The following AP4E1 variants were observed in gnomAD, a reference collection of about 807,000 sequenced individuals.
AP4E1 encodes the protein AP-4 complex subunit epsilon-1.
AP4E1 carries 56 observed loss-of-function variants against 128.2 expected under a neutral mutation model. The observed-to-expected ratio is 0.44, with a 90% confidence interval of 0.35 to 0.55. AP4E1 has a LOEUF of 0.55. Ranked by LOEUF, AP4E1 falls within the 20% of genes least tolerant of loss-of-function variation. The probability of loss-of-function intolerance (pLI) is 0.00; values close to 1 mark genes in which losing one functional copy is unlikely to be tolerated. For synonymous variants in AP4E1, 484 were observed against 473.1 expected, an observed-to-expected ratio of 1.02 and a Z score of -0.30; for missense variants, 1,324 against 1,307.7, an observed-to-expected ratio of 1.01 and a Z score of -0.19.
intron 10 of AP4E1, among the ~76,000 whole-genome samples, chr15:50,943,940 T>G: frequency 6.6e-6 from 1 of 152,152 alleles, no homozygotes; most frequent in East Asian, 1.9e-4. Flanking sequence ...CATTTAATAT[T>G]TTTTAGATTG....
chr15:50,998,079 A>G (rs917305264), intron 18 of AP4E1, among the ~76,000 whole-genome samples, 196 bp downstream of exon 18: 8 of 152,124 alleles, frequency 5.3e-5, no homozygotes, highest in African/African-American at 1.7e-4. Flanking sequence ...TCTCTCACCA[A>G]TTTATTTTTA....
intron 3 of AP4E1, among the ~76,000 whole-genome samples, chr15:50,922,163 CAAAAAAAAA>C (rs34829950): frequency 2.5e-4 from 20 of 79,732 alleles, no homozygotes; most frequent in Non-Finnish European, 3.8e-4. Context: ...CCTATCTCTA[CAAAAAAAAA>C]AAAAAAAAAA....
At chr15:50,980,087 A>G (rs1390290832) in intron 15 of AP4E1, among the ~76,000 whole-genome samples, 1 of 152,232 alleles carries the variant, frequency 6.6e-6, no homozygotes, top group African/African-American at 2.4e-5. Flanking sequence ...TCTGAAAGTT[A>G]GAGATTATTA....
chr15:50,911,373 T>C (rs1048397803), intron 1 of AP4E1, among the ~76,000 whole-genome samples: 1 of 152,176 alleles, frequency 6.6e-6, no homozygotes, highest in Non-Finnish European at 1.5e-5. Context: ...TTTCTTACCC[T>C]GTTTCTTAAT....
chr15:50,948,789 A>G (rs1263003633), intron 11 of AP4E1, among the ~76,000 whole-genome samples: 2 of 152,014 alleles, frequency 1.3e-5, no homozygotes, highest in African/African-American at 2.4e-5. Flanking sequence ...CCTGACCAAC[A>G]TGGAGAAACC....
intron 10 of AP4E1, chr15:50,945,830 T>C: frequency 5.1e-6 from 4 of 779,602 alleles, no homozygotes; most frequent in Non-Finnish European, 7.0e-6. Flanking sequence ...ATAAAATGTA[T>C]AGCTTGTCAT....
intron 16 of AP4E1, among the ~76,000 whole-genome samples, chr15:50,988,716 A>G (rs1372091369): frequency 3.9e-5 from 6 of 152,026 alleles, no homozygotes; most frequent in African/African-American, 1.5e-4. Context: ...AATTTGAAGT[A>G]TGGTTTCTGT....
intron 15 of AP4E1, among the ~76,000 whole-genome samples, chr15:50,974,576 A>G (rs527999775): frequency 3.6e-4 from 54 of 152,066 alleles, no homozygotes; most frequent in African/African-American, 1.3e-3. Flanking sequence ...CTGTATTTTT[A>G]TTTTTTTGAG....
chr15:50,919,953 T>C (rs1297476154), intron 3 of AP4E1, among the ~76,000 whole-genome samples: 3 of 151,544 alleles, frequency 2.0e-5, no homozygotes, highest in Non-Finnish European at 2.9e-5. Flanking sequence ...GGTACATGCC[T>C]GTATTCCCAG....
At chr15:50,912,215 G>A in intron 2 of AP4E1, 66 bp downstream of exon 2, 1 of 1,346,536 alleles carries the variant, frequency 7.4e-7, no homozygotes, top group Non-Finnish European at 1.1e-6. Flanking sequence ...ACTCAATAGT[G>A]GCATCTAACT....
At chr15:50,931,738 T>C (rs1216637725) in intron 7 of AP4E1, among the ~76,000 whole-genome samples, 3 of 152,108 alleles carry the variant, frequency 2.0e-5, no homozygotes, top group Non-Finnish European at 2.9e-5. Context: ...TCATGAAGTA[T>C]TATTCTTTTA....
At chr15:50,945,010 C>G in intron 10 of AP4E1, 1 of 771,444 alleles carries the variant, frequency 1.3e-6, no homozygotes, top group Non-Finnish European at 2.4e-6. Flanking sequence ...GGAATACGTA[C>G]TCACTTTTGT....
rs780286595 is a variant in AP4E1, at chr15:50,925,100, T to C, written c.423T>C (p.Asp141=). The change falls in exon 5 of 21, where the codon GAT becomes GAC. Residue 141 remains aspartate (D), a splice_region_variant and synonymous_variant. Transcript: ENST00000261842. ...TTCTTTGCTTAATGTTGTGCCAGGATCTGCAGAGCACTAACCTAGTAGAAG... is the reference window on the plus strand; with the variant it reads ...TTCTTTGCTTAATGTTGTGCCAGGACCTGCAGAGCACTAACCTAGTAGAAG... ...LLLLVNTVVK[D]LQSTNLVEVC... 101 of 1,613,868 alleles carry C rather than the reference T, an allele frequency of 6.3e-5. No homozygotes were observed. Among genetic ancestry groups the C allele is most frequent in the Non-Finnish European group, 2.8e-5 (33 of 1,179,910 alleles).
chr15:50,931,908 T>C (rs1596466713), intron 7 of AP4E1, among the ~76,000 whole-genome samples: 4 of 152,154 alleles, frequency 2.6e-5, no homozygotes, highest in Admixed American at 2.6e-4. Context: ...ATCTGAATTA[T>C]TCTTTTAGCC....
chr15:50,920,829 G>A (rs1017937132), intron 3 of AP4E1, among the ~76,000 whole-genome samples: 1 of 152,076 alleles, frequency 6.6e-6, no homozygotes, highest in South Asian at 2.1e-4. Flanking sequence ...ATGGAGTTTC[G>A]CTGTTGCATC....
rs1037906048 is a variant in AP4E1 at position 50,921,097 on chromosome 15, C to G, written c.347-2834C>G. On this transcript the variant is annotated intron_variant, in intron 3 of 20. Coordinates refer to ENST00000261842, the MANE Select transcript of AP4E1 (RefSeq NM_007347.5). ...GGATTACGGGCATGAACTACCGTGC[C>G]CAGCCAGAATGCCTTATTATTTTTT... 2.2e-5 allele frequency among the ~76,000 whole-genome samples: 3 copies of G among 136,942 alleles called. No individual in the cohort carries two copies. In the Admixed American group the frequency reaches 2.3e-4, roughly 10 times the overall value. The allele number at this position is 136,942 out of a possible 152,430, so 89.8% of individuals were successfully genotyped here.
chr15:50,925,844 C>T (rs866120729), intron 5 of AP4E1, among the ~76,000 whole-genome samples: 34 of 150,288 alleles, frequency 2.3e-4, no homozygotes, highest in Admixed American at 2.2e-3. Context: ...AGGCTGGTCT[C>T]GAACTCCTGA....
In AP4E1 at chr15:50,997,386, A is replaced by G. The variant is rs781254112; in HGVS notation, c.2407A>G (p.Lys803Glu). The part of the protein sequence containing the change: ...FRRKSKVKEA[K>E]SGETTSTHNM... ...AAGGAAATCAAAAGTCAAAGAAGCT[A>G]AAAGTGGCGAAACAACCAGTACTCA... The change falls in exon 18 of 21, where the codon AAA becomes GAA. Residue 803 changes from lysine (K) to glutamate (E), a missense_variant. Lys to Glu is a moderately conservative substitution (Grantham distance 56). Transcript: ENST00000261842. The G allele has an allele frequency of 5.0e-6, 8 of 1,606,210 alleles. No homozygotes were observed. In the African/African-American group the frequency reaches 8.1e-5, roughly 16 times the overall value.
chr15:50,928,892 T>C, intron 5 of AP4E1, 117 bp from the exon 6 acceptor site: 1 of 983,404 alleles, frequency 1.0e-6, no homozygotes, highest in Non-Finnish European at 1.6e-6. Flanking sequence ...TAGTTATCTC[T>C]TTCTTTGTAA....
Sources: gnomAD v4.1 joint callset for allele counts (sites outside exome capture counted in the v4.1 genomes callset) on GRCh38, gnomAD v4.1.1 for gene constraint, MANE v1.5 for transcripts, NCBI Gene and HGNC (gene_info 2026-07-23, HGNC 2026-07-21) for gene names.